The following CACNA2D1 variants were observed in gnomAD, a reference collection of about 807,000 sequenced individuals.
CACNA2D1 encodes calcium voltage-gated channel auxiliary subunit alpha2delta 1, also known as voltage-dependent calcium channel subunit alpha-2/delta-1.
CACNA2D1 carries 53 observed loss-of-function variants against 171.5 expected under a neutral mutation model. The observed-to-expected ratio is 0.31, with a 90% CI of 0.25 to 0.39. The LOEUF (loss-of-function observed/expected upper bound fraction) is 0.39. Among genes scored for constraint, CACNA2D1 ranks in the 10% least tolerant of loss-of-function variants. The pLI is 1.00. For synonymous variants in CACNA2D1, 442 were observed against 443.1 expected, an observed-to-expected ratio of 1.00 and a Z score of 0.03; for missense variants, 903 against 1,299.8, an observed-to-expected ratio of 0.69 and a Z score of 4.69.
chr7:82,217,859 A>ATT (rs199938027), intron 3 of CACNA2D1, among the ~76,000 whole-genome samples: 2 of 145,390 alleles, frequency 1.4e-5, no homozygotes, highest in Admixed American at 6.9e-5. Flanking sequence ...ATGTACTGAA[A>ATT]TTTTTTTTTT....
chr7:82,040,883 G>C (rs551531189), intron 10 of CACNA2D1, among the ~76,000 whole-genome samples: 2 of 152,152 alleles, frequency 1.3e-5, no homozygotes, highest in Non-Finnish European at 2.9e-5. Flanking sequence ...GCTGAGGCAG[G>C]AGAATCACTT....
chr7:82,392,618 G>A, intron 1 of CACNA2D1, among the ~76,000 whole-genome samples: 1 of 152,162 alleles, frequency 6.6e-6, no homozygotes, highest in East Asian at 1.9e-4. Flanking sequence ...CCTAGGTGGG[G>A]GCATTGCTGG....
intron 28 of CACNA2D1, among the ~76,000 whole-genome samples, chr7:81,969,546 A>C (rs1440596602): frequency 6.6e-6 from 1 of 151,354 alleles, no homozygotes; most frequent in South Asian, 2.1e-4. Context: ...GTAATTAATC[A>C]ATGGAATTAC....
intron 3 of CACNA2D1, among the ~76,000 whole-genome samples, chr7:82,327,807 G>A (rs533925574): frequency 1.4e-4 from 21 of 152,252 alleles, no homozygotes; most frequent in African/African-American, 3.4e-4. Context: ...GGGGCTGATC[G>A]ATGTTCAACA....
chr7:82,091,689 A>G (rs561828155), intron 6 of CACNA2D1, among the ~76,000 whole-genome samples: 28 of 152,368 alleles, frequency 1.8e-4, no homozygotes, highest in African/African-American at 6.7e-4. Flanking sequence ...TGTATTTTGT[A>G]TAAGAAACCT....
chr7:82,124,102 T>G (rs1790059975), intron 5 of CACNA2D1, among the ~76,000 whole-genome samples: 1 of 152,168 alleles, frequency 6.6e-6, no homozygotes, highest in African/African-American at 2.4e-5. Context: ...ATTCAAGGAT[T>G]CAATATTGGC....
At chr7:82,388,599 T>C (rs996804762) in intron 1 of CACNA2D1, among the ~76,000 whole-genome samples, 30 of 152,134 alleles carry the variant, frequency 2.0e-4, no homozygotes, top group African/African-American at 7.2e-4. Context: ...AAACTTGCGG[T>C]TCCAGTTGCT....
chr7:82,080,771 T>A (rs1809647433), intron 7 of CACNA2D1, among the ~76,000 whole-genome samples: 1 of 152,228 alleles, frequency 6.6e-6, no homozygotes, highest in African/African-American at 2.4e-5. Context: ...ACTTTATGGC[T>A]CAGTCATGTT....
At chr7:82,355,161 A>T (rs1228494625) in intron 1 of CACNA2D1, among the ~76,000 whole-genome samples, 1 of 152,176 alleles carries the variant, frequency 6.6e-6, no homozygotes, top group East Asian at 1.9e-4. Context: ...CATTTTTAAA[A>T]GAACAAAATC....
chr7:82,378,394 A>G (rs148238598), intron 1 of CACNA2D1, among the ~76,000 whole-genome samples: 252 of 152,312 alleles, frequency 1.7e-3, no homozygotes, highest in Non-Finnish European at 3.2e-3. Flanking sequence ...GCAAGACCCT[A>G]TCTCTGAAAA....
At chr7:82,373,745 A>T (rs780909977) in intron 1 of CACNA2D1, among the ~76,000 whole-genome samples, 47 of 152,318 alleles carry the variant, frequency 3.1e-4, no homozygotes, top group Non-Finnish European at 4.9e-4. Flanking sequence ...TCTGTTACAA[A>T]TATTTTCCTA....
At chr7:82,384,144 G>A (rs1824043041) in intron 1 of CACNA2D1, among the ~76,000 whole-genome samples, 1 of 152,156 alleles carries the variant, frequency 6.6e-6, no homozygotes, top group East Asian at 1.9e-4. Context: ...AGAGAATTAA[G>A]GTGACAATTG....
intron 4 of CACNA2D1, among the ~76,000 whole-genome samples, chr7:82,159,618 C>T (rs1409597322): frequency 3.3e-5 from 5 of 151,002 alleles, no homozygotes; most frequent in Admixed American, 1.3e-4. Flanking sequence ...TGAGAGATCT[C>T]CCCAAAAAGT....
chr7:82,202,152 C>G, intron 3 of CACNA2D1, among the ~76,000 whole-genome samples: 1 of 152,152 alleles, frequency 6.6e-6, no homozygotes, highest in East Asian at 1.9e-4. Context: ...TGGCTTGGAG[C>G]CACTATTGTA....
chr7:82,220,549 G>C (rs1801629982), intron 3 of CACNA2D1, among the ~76,000 whole-genome samples: 1 of 151,958 alleles, frequency 6.6e-6, no homozygotes, highest in Non-Finnish European at 1.5e-5. Context: ...AAATTAAACT[G>C]AGAAATTTTG....
At chr7:81,997,939 A>G (rs971430972) in intron 18 of CACNA2D1, among the ~76,000 whole-genome samples, 17 of 151,930 alleles carry the variant, frequency 1.1e-4, no homozygotes, top group Non-Finnish European at 2.1e-4. Context: ...AATGAATACT[A>G]TTTCCTATTG....
chr7:82,139,816 G>A (rs1042070782), intron 4 of CACNA2D1, among the ~76,000 whole-genome samples: 6 of 144,590 alleles, frequency 4.1e-5, no homozygotes, highest in South Asian at 2.2e-4. Context: ...ATGAAGTCTC[G>A]CTCTATCGCC....
chr7:82,185,555 AGGG>A (rs1296152945), intron 3 of CACNA2D1, among the ~76,000 whole-genome samples: 1 of 8,640 alleles, frequency 1.2e-4, no homozygotes, highest in Non-Finnish European at 2.1e-4. Context: ...GAGGGGGAGG[AGGG>A]GGAGGGGGAG....
chr7:81,970,853 G>A, intron 26 of CACNA2D1, 116 bp from the exon 27 acceptor site: 1 of 730,866 alleles, frequency 1.4e-6, no homozygotes, highest in East Asian at 2.5e-5. Context: ...TATATCAATA[G>A]ATACACAACT....
Sources: allele counts gnomAD v4.1 joint callset (sites outside exome capture counted in the v4.1 genomes callset), GRCh38; gene constraint gnomAD v4.1.1; transcripts MANE v1.5; gene names NCBI Gene and HGNC (gene_info 2026-07-23, HGNC 2026-07-21).